Variants in FHOD3 observed in about 807,000 individuals in gnomAD.
FHOD3 encodes formin homology 2 domain containing 3.
In FHOD3, 90 loss-of-function variants were observed where a neutral mutation model predicts 173.0. The ratio of observed to expected loss-of-function variants is 0.52; its 90% CI spans 0.44 to 0.62. The LOEUF (loss-of-function observed/expected upper bound fraction) is 0.62. Ranked by LOEUF, FHOD3 falls within the 20% of genes least tolerant of loss-of-function variation. FHOD3 has a pLI of 0.00. For synonymous variants in FHOD3, 828 were observed against 823.0 expected (o/e 1.01, Z -0.10); for missense variants, 1,945 against 2,034.7 (o/e 0.96, Z 0.85).
At chr18:36,366,149 T>A (rs1465652841) in intron 2 of FHOD3, among the ~76,000 whole-genome samples, 1 of 152,038 alleles carries the variant, frequency 6.6e-6, no homozygotes, top group Non-Finnish European at 1.5e-5. Flanking sequence ...AAATGCTACA[T>A]CATGGGAACT....
intron 20 of FHOD3, among the ~76,000 whole-genome samples, chr18:36,732,676 C>T (rs752001308): frequency 5.3e-5 from 8 of 152,110 alleles, no homozygotes; most frequent in Non-Finnish European, 8.8e-5. Flanking sequence ...AGTGAGTGGG[C>T]GACAGCTGGG....
At chr18:36,606,127 A>T (rs1014651154) in intron 8 of FHOD3, among the ~76,000 whole-genome samples, 1 of 152,094 alleles carries the variant, frequency 6.6e-6, no homozygotes, top group Non-Finnish European at 1.5e-5. Context: ...GGGATAACTA[A>T]CCTGGATGGT....
chr18:36,780,146 C>T lies in FHOD3; in HGVS notation c.*616C>T. The T allele has an allele frequency of 1.6e-6, 2 of 1,232,038 alleles. No homozygotes were observed. The highest frequency in any genetic ancestry group is 8.2e-5 in the South Asian group (2 of 24,320). 76.3% of individuals were successfully genotyped at this position (1,232,038 alleles called of 1,614,324 possible). On this transcript the variant is annotated 3_prime_UTR_variant, in exon 29 of 29. Coordinates refer to ENST00000590592, the MANE Select transcript of FHOD3 (RefSeq NM_001281740.3). ...GAATGGCAAAACTCTTCTCAGTGTC[C>T]TCAGAAGCACCCTCGCTTGGAACGG...
intron 4 of FHOD3, among the ~76,000 whole-genome samples, chr18:36,507,888 T>C (rs2055390760): frequency 6.6e-6 from 1 of 152,140 alleles, no homozygotes; most frequent in African/African-American, 2.4e-5. Flanking sequence ...CCTCATTTAG[T>C]CTATCAGCCT....
chr18:36,444,078 A>G (rs2051318867), intron 3 of FHOD3, among the ~76,000 whole-genome samples: 1 of 151,424 alleles, frequency 6.6e-6, no homozygotes, highest in African/African-American at 2.4e-5. Context: ...CTGTAGTCCC[A>G]GCTGTTCAGG....
intron 18 of FHOD3, chr18:36,711,079 A>G (rs2040145986): frequency 6.6e-6 from 1 of 152,238 alleles, no homozygotes; most frequent in African/African-American, 2.4e-5. Context: ...AAAGTGGGCA[A>G]TGTCCAAGTA....
chr18:36,557,676 G>A (rs947736216), intron 5 of FHOD3, among the ~76,000 whole-genome samples: 7 of 152,100 alleles, frequency 4.6e-5, no homozygotes, highest in Non-Finnish European at 2.9e-5. Flanking sequence ...CACACACTGT[G>A]ACTTGTACTT....
intron 4 of FHOD3, among the ~76,000 whole-genome samples, chr18:36,511,239 ATTGAGGAAAT>A (rs1397803501): frequency 6.6e-6 from 1 of 152,136 alleles, no homozygotes; most frequent in African/African-American, 2.4e-5. Flanking sequence ...GCACTGTCCA[ATTGAGGAAAT>A]CTCCCAATCT....
chr18:36,461,604 G>A (rs1489719278), intron 3 of FHOD3, among the ~76,000 whole-genome samples: 2 of 152,116 alleles, frequency 1.3e-5, no homozygotes, highest in African/African-American at 2.4e-5. Context: ...AAGATTACCC[G>A]CTTCTGCTTC....
chr18:36,540,373 T>C lies in FHOD3; in HGVS notation c.511+27830T>C, dbSNP rs534452214. On this transcript the variant is annotated intron_variant, in intron 5 of 28. Transcript: ENST00000590592. ...TGCCTCCATGAACAAAGACGTTGTG[T>C]TTCCGTGTCAGACATCCTTGTGTCT... Among the ~76,000 whole-genome samples the C allele has an allele frequency of 2.0e-5, 3 of 152,318 alleles. No individual in the cohort carries two copies. In the South Asian group the frequency reaches 6.2e-4, roughly 32 times the overall value.
intron 1 of FHOD3, among the ~76,000 whole-genome samples, chr18:36,327,633 A>G (rs1598727002): frequency 6.6e-6 from 1 of 150,954 alleles, no homozygotes; most frequent in East Asian, 1.9e-4. Flanking sequence ...TTTCCTCCCC[A>G]CTGCCATCAT....
chr18:36,693,266 G>C lies in FHOD3; in HGVS notation c.2079G>C (p.Arg693=), dbSNP rs1232021710. ...AGCACGAGAAGGAGCTGAGAAGCCG[G>C]AGTGTGAGCCGGGGCAGAGCCGACC... is the stretch of plus-strand genomic sequence containing the variant. ...AEEHEKELRS[R]SVSRGRADLS... is the part of the protein sequence containing the mutation. Residue 693 remains arginine, a synonymous_variant, in exon 17 of 29, where the codon CGG becomes CGC. Transcript: ENST00000590592. 6.2e-7 allele frequency: 1 copy of C among 1,613,758 alleles called. No homozygotes were observed. Among genetic ancestry groups the C allele is most frequent in the Non-Finnish European group, 8.5e-7 (1 of 1,179,888 alleles).
intron 27 of FHOD3, among the ~76,000 whole-genome samples, 190 bp downstream of exon 27, chr18:36,760,972 T>C (rs2042852713): frequency 6.6e-6 from 1 of 152,074 alleles, no homozygotes; most frequent in South Asian, 2.1e-4. Context: ...AAAACAAACA[T>C]TCCCACGAGA....
intron 5 of FHOD3, among the ~76,000 whole-genome samples, chr18:36,544,886 T>C (rs377219775): frequency 8.5e-5 from 13 of 152,170 alleles, no homozygotes; most frequent in African/African-American, 2.7e-4. Flanking sequence ...TTTTCAAAAA[T>C]TAGACAAACA....
intron 3 of FHOD3, among the ~76,000 whole-genome samples, chr18:36,424,916 G>A (rs1237056820): frequency 4.6e-5 from 7 of 152,108 alleles, no homozygotes; most frequent in East Asian, 1.9e-4. Context: ...TTATCACATC[G>A]GAGCCATTGT....
intron 5 of FHOD3, among the ~76,000 whole-genome samples, chr18:36,565,647 A>G (rs114405610): frequency 6.6e-5 from 10 of 151,998 alleles, no homozygotes; most frequent in Non-Finnish European, 1.5e-4. Flanking sequence ...TTTTTTCTGT[A>G]CTTTTGGTAG....
intron 3 of FHOD3, among the ~76,000 whole-genome samples, chr18:36,461,836 A>G (rs2052575064): frequency 6.6e-6 from 1 of 152,178 alleles, no homozygotes; most frequent in African/African-American, 2.4e-5. Flanking sequence ...ATGTAGTGGA[A>G]AGAGTATGGC....
chr18:36,323,773 A>C (rs7245237), intron 1 of FHOD3, among the ~76,000 whole-genome samples: 1 of 152,108 alleles, frequency 6.6e-6, no homozygotes, highest in African/African-American at 2.4e-5. Context: ...ATCCTCGACT[A>C]CTTCAGTTTG....
intron 3 of FHOD3, among the ~76,000 whole-genome samples, chr18:36,386,383 G>A (rs955771594): frequency 2.6e-5 from 4 of 152,312 alleles, no homozygotes; most frequent in East Asian, 1.9e-4. Flanking sequence ...TCTTTACCAG[G>A]TAGCGGCTCA....
Sources: allele counts gnomAD v4.1 joint callset (sites outside exome capture counted in the v4.1 genomes callset), GRCh38; gene constraint gnomAD v4.1.1; transcripts MANE v1.5; gene names NCBI Gene and HGNC (gene_info 2026-07-23, HGNC 2026-07-21).